The following SUGCT variants were observed in gnomAD, a reference collection of about 807,000 sequenced individuals.
SUGCT encodes the protein succinyl-CoA:glutarate-CoA transferase, also known as succinyl-CoA:glutarate CoA-transferase.
Under a neutral mutation model 55.0 loss-of-function variants are expected in SUGCT, and 41 were observed. The observed-to-expected ratio is 0.74, with a 90% CI of 0.58 to 0.97. The LOEUF is 0.97. Among genes scored for constraint, SUGCT ranks in the 50% least tolerant of loss-of-function variants. SUGCT has a pLI of 0.00. For missense variants in SUGCT, 568 were observed against 547.8 expected (o/e 1.04, Z -0.37); for synonymous variants, 187 against 200.4 (o/e 0.93, Z 0.56).
At chr7:40,360,618 C>T (rs1398313283) in intron 9 of SUGCT, among the ~76,000 whole-genome samples, 1 of 152,062 alleles carries the variant, frequency 6.6e-6, no homozygotes, top group Non-Finnish European at 1.5e-5. Flanking sequence ...ACTCCTAACC[C>T]CGTTGTGGGA....
At chr7:40,289,647 C>G (rs967779360) in intron 8 of SUGCT, among the ~76,000 whole-genome samples, 4 of 152,104 alleles carry the variant, frequency 2.6e-5, no homozygotes, top group African/African-American at 9.7e-5. Flanking sequence ...GTTGGAAGTT[C>G]TGGCCAGGGC....
chr7:40,214,060 A>G (rs1184169388), intron 6 of SUGCT, among the ~76,000 whole-genome samples: 1 of 152,228 alleles, frequency 6.6e-6, no homozygotes, highest in Non-Finnish European at 1.5e-5. Flanking sequence ...TGCTTGGCAT[A>G]GTCAGACCAT....
At chr7:41,006,646 G>C in the SUGCT span, among the ~76,000 whole-genome samples, 1 of 152,158 alleles carries the variant, frequency 6.6e-6, no homozygotes, top group Non-Finnish European at 1.5e-5. Context: ...TCAGGTTTCA[G>C]GCTCTCAAGG....
At chr7:40,999,398 G>C in the SUGCT span, among the ~76,000 whole-genome samples, 2 of 152,094 alleles carry the variant, frequency 1.3e-5, no homozygotes, top group Admixed American at 1.3e-4. Context: ...TTCTATGCTT[G>C]AATTTCTGTT....
chr7:40,534,547 T>C (rs1272544938), intron 12 of SUGCT, among the ~76,000 whole-genome samples: 2 of 152,148 alleles, frequency 1.3e-5, no homozygotes, highest in Non-Finnish European at 2.9e-5. Flanking sequence ...CCATGCCCAG[T>C]AGCTGGGTTT....
chr7:40,324,997 T>C (rs1584685402), intron 9 of SUGCT, among the ~76,000 whole-genome samples: 1 of 152,326 alleles, frequency 6.6e-6, no homozygotes, highest in Middle Eastern at 3.4e-3. Flanking sequence ...CAATTTGGGC[T>C]TATTCAACCA....
chr7:40,313,841 C>T (rs1158652838), intron 8 of SUGCT, among the ~76,000 whole-genome samples: 1 of 152,022 alleles, frequency 6.6e-6, no homozygotes, highest in Non-Finnish European at 1.5e-5. Context: ...ATCCACCTGC[C>T]TCAGCCTCCC....
chr7:40,827,341 A>G (rs984943092), intron 13 of SUGCT, among the ~76,000 whole-genome samples: 4 of 152,146 alleles, frequency 2.6e-5, no homozygotes, highest in African/African-American at 9.7e-5. Context: ...GGAATCGGGC[A>G]CCTGCTGCTT....
intron 9 of SUGCT, among the ~76,000 whole-genome samples, chr7:40,383,697 T>G (rs1469709063): frequency 6.6e-6 from 1 of 152,166 alleles, no homozygotes; most frequent in Non-Finnish European, 1.5e-5. Flanking sequence ...GGACTAAGTT[T>G]GGGGTGGCTT....
At chr7:40,287,561 G>C (rs1793435558) in intron 8 of SUGCT, among the ~76,000 whole-genome samples, 1 of 150,976 alleles carries the variant, frequency 6.6e-6, no homozygotes, top group Admixed American at 6.6e-5. Context: ...GCAGTGGCAT[G>C]ATCATGGCTC....
At chr7:40,187,124 T>C (rs1358221698) in intron 3 of SUGCT, among the ~76,000 whole-genome samples, 1 of 152,214 alleles carries the variant, frequency 6.6e-6, no homozygotes, top group Non-Finnish European at 1.5e-5. Flanking sequence ...GATGAGTTCA[T>C]GTCCTTCGTA....
At chr7:40,144,009 G>C (rs567682757) in intron 1 of SUGCT, among the ~76,000 whole-genome samples, 1 of 152,310 alleles carries the variant, frequency 6.6e-6, no homozygotes, top group East Asian at 1.9e-4. Flanking sequence ...TACAAAAACT[G>C]GTTGGGGCAG....
Position 40,860,669 on chromosome 7 carries a change from G to C in SUGCT, c.*190G>C, listed in dbSNP as rs1019000027. 3.4e-5 allele frequency: 15 copies of C among 438,736 alleles called. No individual in the cohort carries two copies. Among genetic ancestry groups the C allele is most frequent in the Non-Finnish European group, 5.4e-5 (14 of 260,418 alleles). The allele number at this position is 438,736 out of a possible 1,614,324, so 27.2% of individuals were successfully genotyped here. On this transcript the variant is annotated 3_prime_UTR_variant, in exon 14 of 14. Coordinates refer to ENST00000335693, the MANE Select transcript of SUGCT (RefSeq NM_001193313.2). Reference sequence around the variant, plus strand: ...CTAGTGCCTTTTAAATGTATCCCACGTTTTGTTCCCTACCATCTTTTTTTT... The same window carrying C: ...CTAGTGCCTTTTAAATGTATCCCACCTTTTGTTCCCTACCATCTTTTTTTT...
At chr7:40,236,590 C>T (rs1385143472) in intron 6 of SUGCT, among the ~76,000 whole-genome samples, 3 of 151,994 alleles carry the variant, frequency 2.0e-5, no homozygotes. Flanking sequence ...AAATAGAACT[C>T]AGGGAGATAT....
intron 8 of SUGCT, among the ~76,000 whole-genome samples, chr7:40,299,860 T>C (rs1325503515): frequency 6.6e-6 from 1 of 152,202 alleles, no homozygotes; most frequent in Non-Finnish European, 1.5e-5. Context: ...AATGTATTGC[T>C]ATCAACAGTG....
intron 9 of SUGCT, among the ~76,000 whole-genome samples, chr7:40,364,884 A>G (rs1048958355): frequency 1.4e-4 from 22 of 152,182 alleles, no homozygotes; most frequent in African/African-American, 4.3e-4. Flanking sequence ...TCAATAGAAA[A>G]AGAGGGAATC....
At chr7:41,030,264 A>G in the SUGCT span, among the ~76,000 whole-genome samples, 10 of 151,636 alleles carry the variant, frequency 6.6e-5, no homozygotes, top group African/African-American at 2.4e-4. Flanking sequence ...CATTATTAAG[A>G]TCTTCAGTGA....
At chr7:40,530,356 A>G (rs1169564573) in intron 12 of SUGCT, among the ~76,000 whole-genome samples, 2 of 152,224 alleles carry the variant, frequency 1.3e-5, no homozygotes, top group African/African-American at 2.4e-5. Flanking sequence ...GACTATGACA[A>G]TATAATAGTT....
intron 13 of SUGCT, among the ~76,000 whole-genome samples, chr7:40,800,833 T>C (rs2128750654): frequency 6.6e-6 from 1 of 152,330 alleles, no homozygotes; most frequent in East Asian, 1.9e-4. Context: ...TTTTAAACAC[T>C]TCACACATAT....
Sources: allele counts gnomAD v4.1 joint callset (sites outside exome capture counted in the v4.1 genomes callset), GRCh38; gene constraint gnomAD v4.1.1; transcripts MANE v1.5; gene names NCBI Gene and HGNC (gene_info 2026-07-23, HGNC 2026-07-21).